The following ALKBH8 variants were observed in gnomAD, a reference collection of about 807,000 sequenced individuals.
ALKBH8 encodes alkB homolog 8, tRNA methyltransferase.
A neutral mutation model predicts 59.8 loss-of-function variants in ALKBH8; 36 were observed. The ratio of observed to expected loss-of-function variants is 0.60; its 90% confidence interval spans 0.46 to 0.79. The LOEUF (loss-of-function observed/expected upper bound fraction) is 0.79. ALKBH8 is among the 30% of genes least tolerant of loss of function. The pLI, the probability that ALKBH8 is intolerant of heterozygous loss-of-function variation, is 0.00. For synonymous variants in ALKBH8, 276 were observed against 273.6 expected (o/e 1.01, Z -0.09); for missense variants, 768 against 801.0 (o/e 0.96, Z 0.50).
chr11:107,520,704 T>C (rs1200269703), intron 10 of ALKBH8, among the ~76,000 whole-genome samples: 1 of 152,208 alleles, frequency 6.6e-6, no homozygotes, highest in Non-Finnish European at 1.5e-5. Context: ...TTATTCTTTA[T>C]AAATTAAAAT....
chr11:107,524,494 C>T (rs148475075), intron 9 of ALKBH8, among the ~76,000 whole-genome samples: 1 of 152,280 alleles, frequency 6.6e-6, no homozygotes, highest in African/African-American at 2.4e-5. Flanking sequence ...ACTTTAAGTT[C>T]CTTAAGAACA....
At chr11:107,508,535 T>G (rs1862490712) in intron 11 of ALKBH8, among the ~76,000 whole-genome samples, 1 of 152,206 alleles carries the variant, frequency 6.6e-6, no homozygotes, top group Non-Finnish European at 1.5e-5. Context: ...TAACCATTTT[T>G]AAGTGTACAA....
At chr11:107,557,349 A>G (rs1468347125) in intron 2 of ALKBH8, among the ~76,000 whole-genome samples, 3 of 152,228 alleles carry the variant, frequency 2.0e-5, no homozygotes, top group Non-Finnish European at 4.4e-5. Context: ...GGACAGTTAC[A>G]TAACACTTGC....
Position 107,525,560 on chromosome 11 carries a change from G to T in ALKBH8, c.911C>A (p.Ala304Glu). The T allele has an allele frequency of 6.7e-7, 1 of 1,490,722 alleles. No homozygotes were observed. The highest frequency in any genetic ancestry group is 8.9e-7 in the Non-Finnish European group (1 of 1,122,858). 92.3% of individuals were successfully genotyped at this position (1,490,722 alleles called of 1,614,324 possible). Residue 304 changes from alanine (A) to glutamate (E), a missense_variant, in exon 9 of 12, where the codon GCA becomes GAA. Ala to Glu is a moderately radical substitution (Grantham distance 107). Coordinates refer to ENST00000428149, the MANE Select transcript of ALKBH8 (RefSeq NM_138775.3). Reference sequence around the variant, plus strand: ...AATTCCACTTTTAAGACTCTCAGATGCTTGAACAGTATCAAATTTTCTGCA... The same window carrying T: ...AATTCCACTTTTAAGACTCTCAGATTCTTGAACAGTATCAAATTTTCTGCA... ...ITCRKFDTVQ[A>E]SESLKSGIIT...
Position 107,556,819 on chromosome 11 carries a change from A to C in ALKBH8, c.314T>G (p.Val105Gly), listed in dbSNP as rs140624612. The C allele has an allele frequency of 4.7e-5, 71 of 1,501,436 alleles. No homozygotes were observed. The African/African-American group carries it at 1.0e-3, about 21-fold the overall frequency. 93.0% of individuals were successfully genotyped at this position (1,501,436 alleles called of 1,614,324 possible). ...RAYVTLNGKE[V>G]VDDLGQKITL... ...GATCTTTTGTCCTAAATCATCCACTACTTCTTTTCCATTGAGGGTAACATA... is the reference window on the plus strand; with the variant it reads ...GATCTTTTGTCCTAAATCATCCACTCCTTCTTTTCCATTGAGGGTAACATA... Residue 105 changes from valine to glycine, a missense_variant, in exon 3 of 12, where the codon GTA becomes GGA. Physicochemically the swap from Val to Gly is moderately radical, Grantham distance 109. Coordinates refer to ENST00000428149, the MANE Select transcript of ALKBH8 (RefSeq NM_138775.3).
chr11:107,522,555 C>A lies in ALKBH8; in HGVS notation c.1031G>T (p.Ser344Ile), dbSNP rs1334602224. 12 of 1,549,974 alleles carry A rather than the reference C, an allele frequency of 7.7e-6. No homozygotes were observed. The highest frequency in any genetic ancestry group is 1.0e-5 in the Non-Finnish European group (12 of 1,146,604). Reference sequence around the variant, plus strand: ...CTGGCTATCACAGACCAACGGGTAACCTTAATGAAAAAGCAATACACACCT... The same window carrying A: ...CTGGCTATCACAGACCAACGGGTAAACTTAATGAAAAAGCAATACACACCT... ...RKVRQTPCNC[S>I]YPLVCDSQRK... Residue 344 changes from serine to isoleucine, a missense_variant and splice_region_variant, in exon 10 of 12, where the codon AGT (serine) becomes ATT (isoleucine). Ser to Ile is a moderately radical substitution (Grantham distance 142). Transcript: ENST00000428149.
At chr11:107,538,731 A>G (rs2135540944) in intron 7 of ALKBH8, among the ~76,000 whole-genome samples, 1 of 152,364 alleles carries the variant, frequency 6.6e-6, no homozygotes, top group Admixed American at 6.5e-5. Context: ...AGGAATAAAC[A>G]GATCTCCATG....
At chr11:107,534,867 T>C (rs933628320) in intron 7 of ALKBH8, among the ~76,000 whole-genome samples, 9 of 152,080 alleles carry the variant, frequency 5.9e-5, no homozygotes, top group Non-Finnish European at 1.2e-4. Context: ...ACCCGAGCAG[T>C]GTACACTGTA....
chr11:107,533,303 C>T (rs1269802879), intron 7 of ALKBH8, among the ~76,000 whole-genome samples: 14 of 152,068 alleles, frequency 9.2e-5, no homozygotes, highest in South Asian at 8.3e-4. Flanking sequence ...GTAAGTGGGA[C>T]GAAAATAATT....
chr11:107,528,781 T>G (rs1397418618), intron 8 of ALKBH8, among the ~76,000 whole-genome samples: 1 of 152,136 alleles, frequency 6.6e-6, no homozygotes, highest in African/African-American at 2.4e-5. Context: ...CCCCCTGCAC[T>G]CAAATTATAA....
In ALKBH8 at chr11:107,553,157, C is replaced by T. The variant is rs1464808325; in HGVS notation, c.546G>A (p.Glu182=). ...CTACATTGTTGTTCTCATAGTGGAA[C>T]TCATAACCAAAATGCTTTACTCTTC... ...KHRRVKHFGY[E]FHYENNNVDK... Residue 182 remains glutamate (E), a synonymous_variant, in exon 5 of 12, where the codon GAG becomes GAA. Coordinates refer to ENST00000428149, the MANE Select transcript of ALKBH8 (RefSeq NM_138775.3). 3 of 1,610,196 alleles carry T rather than the reference C, an allele frequency of 1.9e-6. No individual in the cohort carries two copies. Among genetic ancestry groups the T allele is most frequent in the East Asian group, 4.5e-5 (2 of 44,544 alleles).
intron 7 of ALKBH8, among the ~76,000 whole-genome samples, chr11:107,542,669 G>C (rs1864090181): frequency 6.6e-6 from 1 of 152,192 alleles, no homozygotes; most frequent in Non-Finnish European, 1.5e-5. Context: ...AGCACCTTGG[G>C]ATGCCAAGGT....
intron 11 of ALKBH8, among the ~76,000 whole-genome samples, chr11:107,505,865 A>G (rs1862361989): frequency 6.6e-6 from 1 of 152,214 alleles, no homozygotes; most frequent in South Asian, 2.1e-4. Flanking sequence ...TGGCCTGAAC[A>G]GATAGGGCTC....
chr11:107,545,135 T>C (rs1316366992), intron 7 of ALKBH8, among the ~76,000 whole-genome samples: 2 of 152,130 alleles, frequency 1.3e-5, no homozygotes, highest in African/African-American at 4.8e-5. Flanking sequence ...ACATTGCTTA[T>C]ATAGGCAAAT....
chr11:107,541,756 T>C (rs12294595), intron 7 of ALKBH8, among the ~76,000 whole-genome samples: 1,602 of 152,214 alleles, frequency 0.011, 27 homozygotes, highest in African/African-American at 0.035. Flanking sequence ...TGGAAAAAGA[T>C]AGCCTAGCAG....
At position 107,556,965 on chromosome 11, in the gene ALKBH8, C is replaced by G. The variant is rs778396250; in HGVS notation, c.168G>C (p.Val56=). The G allele has an allele frequency of 1.2e-6, 2 of 1,608,300 alleles. No individual in the cohort carries two copies. The highest frequency in any genetic ancestry group is 2.2e-5 in the South Asian group (2 of 90,160). ...AAACCGGGAGCAGCTGGTTCCGACT[C>G]ACACCATTACCCAAACCACCATTGG... ...VVANGGLGNG[V]SRNQLLPVLE... is the part of the protein sequence containing the mutation. The change falls in exon 3 of 12, where the codon GTG becomes GTC. Residue 56 remains valine, a synonymous_variant. Coordinates refer to ENST00000428149, the MANE Select transcript of ALKBH8 (RefSeq NM_138775.3).
chr11:107,540,306 C>T (rs1305782117), intron 7 of ALKBH8, among the ~76,000 whole-genome samples: 2 of 152,244 alleles, frequency 1.3e-5, no homozygotes. Context: ...ACAACCCTGA[C>T]TTCCAAAACT....
intron 11 of ALKBH8, among the ~76,000 whole-genome samples, chr11:107,509,410 C>T (rs12282445): frequency 2.0e-5 from 3 of 152,096 alleles, no homozygotes; most frequent in Non-Finnish European, 4.4e-5. Context: ...AATTCCTTAT[C>T]AGATATACAA....
chr11:107,540,451 A>C (rs575749466), intron 7 of ALKBH8, among the ~76,000 whole-genome samples: 68 of 152,348 alleles, frequency 4.5e-4, no homozygotes, highest in African/African-American at 1.6e-3. Context: ...TTTCTGGCTA[A>C]CGGTCTAGAC....
Sources: allele counts gnomAD v4.1 joint callset (sites outside exome capture counted in the v4.1 genomes callset), GRCh38; gene constraint gnomAD v4.1.1; transcripts MANE v1.5; gene names NCBI Gene and HGNC (gene_info 2026-07-23, HGNC 2026-07-21).